GLT8D2: variants seen among roughly 807,000 people sequenced by gnomAD.
GLT8D2 encodes glycosyltransferase 8 domain-containing protein 2.
In GLT8D2, 45 loss-of-function variants were observed where a neutral mutation model predicts 44.5. The ratio of observed to expected loss-of-function variants is 1.01; its 90% CI spans 0.80 to 1.30. The LOEUF (loss-of-function observed/expected upper bound fraction) is 1.30, where lower values mean the gene tolerates loss of function less well. GLT8D2 is among the 50% of genes most tolerant of loss of function. The pLI is 0.00. For synonymous variants in GLT8D2, 156 were observed against 157.2 expected, an observed-to-expected ratio of 0.99 and a Z score of 0.06; for missense variants, 400 against 430.4, an observed-to-expected ratio of 0.93 and a Z score of 0.62.
chr12:104,047,658 C>T (rs1357307772), intron 1 of GLT8D2, among the ~76,000 whole-genome samples: 1 of 152,186 alleles, frequency 6.6e-6, no homozygotes, highest in Non-Finnish European at 1.5e-5. Flanking sequence ...GTGCTGCCCT[C>T]ATGACCCAAC....
intron 8 of GLT8D2, 68 bp downstream of exon 8, chr12:103,996,667 T>C: frequency 8.9e-7 from 1 of 1,120,854 alleles, no homozygotes; most frequent in South Asian, 1.4e-5. Context: ...CATTTTGACT[T>C]GCAGAGGGGG....
chr12:104,008,585 C>G (rs1157040904), intron 4 of GLT8D2, among the ~76,000 whole-genome samples: 2 of 152,196 alleles, frequency 1.3e-5, no homozygotes, highest in Non-Finnish European at 2.9e-5. Context: ...AGGAAAAATT[C>G]AAGCTGGCTG....
chr12:104,027,113 T>C (rs907997305), intron 1 of GLT8D2, among the ~76,000 whole-genome samples: 3 of 152,214 alleles, frequency 2.0e-5, no homozygotes, highest in African/African-American at 7.2e-5. Context: ...CCAGCTACAA[T>C]GTTCCTTTTA....
chr12:103,996,958 T>A lies in GLT8D2; in HGVS notation c.488-111A>T, dbSNP rs148324304. 29 of 663,036 alleles carry A rather than the reference T, an allele frequency of 4.4e-5. No homozygotes were observed. The African/African-American group carries it at 4.5e-4, about 10-fold the overall frequency. The allele number at this position is 663,036 out of a possible 1,614,324, so 41.1% of individuals were successfully genotyped here. A position where few individuals can be genotyped will look rare whatever the true frequency, so the allele number is the denominator to read the frequency against. On this transcript the variant is annotated intron_variant, in intron 7 of 10. Coordinates refer to ENST00000360814, the MANE Select transcript of GLT8D2 (RefSeq NM_001384711.1). ...TTTGCTATGGGAGAAGAGTATTGGATCCCTGATTTCAAGTGGCTTGACTAT... is the reference window on the plus strand; with the variant it reads ...TTTGCTATGGGAGAAGAGTATTGGAACCCTGATTTCAAGTGGCTTGACTAT...
Position 104,035,838 on chromosome 12 carries a change from G to C in GLT8D2, c.-164+14057C>G, listed in dbSNP as rs191610742. On this transcript the variant is annotated intron_variant, in intron 1 of 10. Coordinates refer to ENST00000360814, the MANE Select transcript of GLT8D2 (RefSeq NM_001384711.1). ...AGAGAGCACCGCAAAGATATTCCTC[G>C]AGAGGAGCAACCCCAAGATATATAA... 5.3e-5 allele frequency among the ~76,000 whole-genome samples: 8 copies of C among 152,122 alleles called. No homozygotes were observed. In the East Asian group the frequency reaches 1.2e-3, roughly 22 times the overall value.
At chr12:104,016,866 GAAAGAAAGAAAGAAAGAAAAAT>G (rs1320309668) in intron 3 of GLT8D2, among the ~76,000 whole-genome samples, 28 of 149,892 alleles carry the variant, frequency 1.9e-4, no homozygotes, top group African/African-American at 2.5e-4. Context: ...AAGAAAGAAA[GAAAGAAAGAAAGAAAGAAAAAT>G]AAAGAGAGAA....
chr12:104,003,819 C>G (rs908231545), intron 4 of GLT8D2, among the ~76,000 whole-genome samples: 1 of 152,090 alleles, frequency 6.6e-6, no homozygotes, highest in Non-Finnish European at 1.5e-5. Context: ...TTGTTTATGT[C>G]GCTATTGAAA....
intron 9 of GLT8D2, 133 bp from the exon 10 acceptor site, chr12:103,993,637 C>T (rs904313927): frequency 2.1e-5 from 13 of 605,128 alleles, no homozygotes; most frequent in Non-Finnish European, 3.6e-5. Flanking sequence ...TCATTCTCCC[C>T]CAAATTTTCA....
At chr12:104,013,714 A>C (rs538143993) in intron 4 of GLT8D2, among the ~76,000 whole-genome samples, 253 of 152,234 alleles carry the variant, frequency 1.7e-3, no homozygotes, top group African/African-American at 5.9e-3. Flanking sequence ...GACTGAAAAA[A>C]AAAACAAAAC....
chr12:104,057,725 T>C (rs1178190681), intron 1 of GLT8D2, among the ~76,000 whole-genome samples: 1 of 152,226 alleles, frequency 6.6e-6, no homozygotes, highest in African/African-American at 2.4e-5. Flanking sequence ...TTGAAGGGTG[T>C]TGGCTTGCAT....
Position 103,993,378 on chromosome 12 carries a change from T to C in GLT8D2, c.880+14A>G, listed in dbSNP as rs758622298. Reference sequence around the variant, plus strand: ...CATTTGCGTTTTTCTAAACAGTTTTTCTGAAATACTTACCCAGGTGCCTTA... The same window carrying C: ...CATTTGCGTTTTTCTAAACAGTTTTCCTGAAATACTTACCCAGGTGCCTTA... On this transcript the variant is annotated intron_variant, in intron 10 of 10. Coordinates refer to ENST00000360814, the MANE Select transcript of GLT8D2 (RefSeq NM_001384711.1). The C allele has an allele frequency of 1.9e-6, 3 of 1,581,470 alleles. No individual in the cohort carries two copies. The highest frequency in any genetic ancestry group is 1.1e-5 in the South Asian group (1 of 90,358).
chr12:104,017,872 G>A (rs1013472892), intron 3 of GLT8D2, among the ~76,000 whole-genome samples: 13 of 152,162 alleles, frequency 8.5e-5, no homozygotes, highest in African/African-American at 3.1e-4. Context: ...GTAATAATAA[G>A]CATTACCTCG....
chr12:103,994,691 C>G (rs1383459889), intron 8 of GLT8D2, among the ~76,000 whole-genome samples, 190 bp from the exon 9 acceptor site: 1 of 151,844 alleles, frequency 6.6e-6, no homozygotes, highest in African/African-American at 2.4e-5. Flanking sequence ...GCTGAATGCC[C>G]TAAGTCTGAG....
upstream of GLT8D2, among the ~76,000 whole-genome samples, chr12:104,054,880 G>A (rs889226800): frequency 2.6e-5 from 4 of 152,188 alleles, no homozygotes; most frequent in African/African-American, 9.7e-5. Flanking sequence ...GTTGTGCACA[G>A]TGACTATAGA....
At chr12:103,995,330 C>T (rs1873275149) in intron 8 of GLT8D2, among the ~76,000 whole-genome samples, 1 of 152,226 alleles carries the variant, frequency 6.6e-6, no homozygotes, top group Admixed American at 6.5e-5. Context: ...ACCTTTCCAA[C>T]TCCTGTTATT....
intron 4 of GLT8D2, among the ~76,000 whole-genome samples, chr12:104,010,915 A>G (rs980087934): frequency 2.0e-5 from 3 of 152,246 alleles, no homozygotes; most frequent in African/African-American, 7.2e-5. Context: ...CCAGAGTCAG[A>G]CGGAGGCCTT....
At chr12:104,019,815 A>C (rs941196543) in intron 2 of GLT8D2, 139 bp from the exon 3 acceptor site, 9 of 544,426 alleles carry the variant, frequency 1.7e-5, no homozygotes, top group Non-Finnish European at 2.5e-5. Flanking sequence ...CAAATCTAAA[A>C]TTTTGGAAAC....
intron 1 of GLT8D2, among the ~76,000 whole-genome samples, chr12:104,062,944 G>T (rs186296473): frequency 1.3e-5 from 2 of 152,058 alleles, no homozygotes; most frequent in African/African-American, 4.8e-5. Context: ...GATCAACCGC[G>T]CATTAGATTC....
intron 4 of GLT8D2, among the ~76,000 whole-genome samples, chr12:104,011,606 C>T (rs896843472): frequency 1.3e-5 from 2 of 152,078 alleles, no homozygotes; most frequent in Non-Finnish European, 2.9e-5. Flanking sequence ...CAGAGAATAC[C>T]GCCATGTTTT....
Sources: allele counts gnomAD v4.1 joint callset (sites outside exome capture counted in the v4.1 genomes callset), GRCh38; gene constraint gnomAD v4.1.1; transcripts MANE v1.5; gene names NCBI Gene and HGNC (gene_info 2026-07-23, HGNC 2026-07-21).